Variants in ALPK2 observed in about 807,000 individuals in gnomAD.
ALPK2 encodes the protein alpha-protein kinase 2.
Under a neutral mutation model 163.1 loss-of-function variants are expected in ALPK2, and 127 were observed. The observed-to-expected ratio is 0.78, with a 90% CI of 0.67 to 0.90. ALPK2 has a LOEUF of 0.90. ALPK2 is among the 40% of genes least tolerant of loss of function. The probability of loss-of-function intolerance (pLI) is 0.00; values close to 1 mark genes in which losing one functional copy is unlikely to be tolerated. For synonymous variants in ALPK2, 953 were observed against 959.1 expected, an observed-to-expected ratio of 0.99 and a Z score of 0.12; for missense variants, 2,360 against 2,589.6, an observed-to-expected ratio of 0.91 and a Z score of 1.92.
chr18:58,610,874 C>A (rs1349944937), intron 2 of ALPK2, among the ~76,000 whole-genome samples: 1 of 152,024 alleles, frequency 6.6e-6, no homozygotes, highest in Non-Finnish European at 1.5e-5. Context: ...GCAGGCAGAC[C>A]ACCTGAGGTC....
chr18:58,544,703 T>G (rs1371465241), intron 4 of ALPK2: 1 of 152,236 alleles, frequency 6.6e-6, no homozygotes, highest in Non-Finnish European at 1.5e-5. Flanking sequence ...GAGGTTGTAA[T>G]CTTACGTCAT....
At chr18:58,583,873 C>T (rs1312650585) in intron 3 of ALPK2, among the ~76,000 whole-genome samples, 2 of 152,012 alleles carry the variant, frequency 1.3e-5, no homozygotes, top group African/African-American at 4.8e-5. Context: ...AGAGAAACCA[C>T]CTCCCCTGAA....
Position 58,537,691 on chromosome 18 carries a change from A to T in ALPK2, c.2496T>A (p.Pro832=). The T allele has an allele frequency of 6.2e-7, 1 of 1,614,038 alleles. No homozygotes were observed. Among genetic ancestry groups the T allele is most frequent in the South Asian group, 1.1e-5 (1 of 91,058 alleles). Residue 832 remains proline (P), a synonymous_variant, in exon 5 of 13, where the codon CCT becomes CCA. Transcript: ENST00000361673. ...LVGRPVDKYS[P]QEICSVDTEL... is the part of the protein sequence containing the mutation. ...CCGTATCTACAGAGCAAATTTCTTG[A>T]GGCGAATATTTATCAACTGGTCTCC...
chr18:58,574,627 C>T (rs148086319), intron 4 of ALPK2, among the ~76,000 whole-genome samples: 18 of 151,934 alleles, frequency 1.2e-4, no homozygotes, highest in African/African-American at 2.7e-4. Context: ...ACAGTCCTTA[C>T]GAGAATCTAA....
Position 58,623,393 on chromosome 18 carries a change from C to A in ALPK2, c.-21+5371G>T, listed in dbSNP as rs566112015. Among the ~76,000 whole-genome samples the A allele has an allele frequency of 9.2e-5, 14 of 152,028 alleles. No homozygotes were observed. In the East Asian group the frequency reaches 1.9e-3, roughly 21 times the overall value. Reference sequence around the variant, plus strand: ...ATCTTGTTCTAGTAAATAAAGTGTGCCTTAGAGATAAGGAACATCACATCC... The same window carrying A: ...ATCTTGTTCTAGTAAATAAAGTGTGACTTAGAGATAAGGAACATCACATCC... On this transcript the variant is annotated intron_variant, in intron 1 of 12. Coordinates refer to ENST00000361673, the MANE Select transcript of ALPK2 (RefSeq NM_052947.4).
At chr18:58,497,896 G>A (rs560943974) in intron 12 of ALPK2, among the ~76,000 whole-genome samples, 153 bp downstream of exon 12, 1 of 152,314 alleles carries the variant, frequency 6.6e-6, no homozygotes, top group East Asian at 1.9e-4. Context: ...AATATTTTAT[G>A]TAAGTGAGAG....
chr18:58,579,357 G>T lies in ALPK2; in HGVS notation c.1419C>A (p.His473Gln). Residue 473 changes from histidine (H) to glutamine (Q), a missense_variant, in exon 4 of 13, where the codon CAC becomes CAA. Coordinates refer to ENST00000361673, the MANE Select transcript of ALPK2 (RefSeq NM_052947.4). ...CACTGGCAAATTCCTCTCTTGCTTG[G>T]TGGCTGTCTCTGGTTTCTCCTTGAA... ...PGIQGETRDSHQAREEFASDN... is the reference protein window; with the variant it reads ...PGIQGETRDSQQAREEFASDN... The T allele has an allele frequency of 6.2e-7, 1 of 1,614,026 alleles. No individual in the cohort carries two copies. Among genetic ancestry groups the T allele is most frequent in the South Asian group, 1.1e-5 (1 of 91,070 alleles).
intron 5 of ALPK2, among the ~76,000 whole-genome samples, chr18:58,531,685 G>C (rs999950039): frequency 2.1e-5 from 3 of 146,306 alleles, no homozygotes; most frequent in Non-Finnish European, 4.5e-5. Flanking sequence ...ATGCGGGCAT[G>C]GTGGCTCATT....
Position 58,536,647 on chromosome 18 carries a change from C to T in ALPK2, c.3540G>A (p.Arg1180=), listed in dbSNP as rs2051650097. The T allele has an allele frequency of 6.2e-7, 1 of 1,614,192 alleles. No individual in the cohort carries two copies. The change falls in exon 5 of 13, where the codon AGG becomes AGA. Residue 1180 remains arginine, a synonymous_variant. Coordinates refer to ENST00000361673, the MANE Select transcript of ALPK2 (RefSeq NM_052947.4). ...AACCTGAGCGCTGCCCTGCTCCTTC[C>T]CTAGAGCTTGCGGGTGAGTGGGCCG... ...VPTAHSPASS[R]EGAGQRSGWG...
chr18:58,495,592 G>A (rs1203728281), intron 12 of ALPK2, among the ~76,000 whole-genome samples: 1 of 152,024 alleles, frequency 6.6e-6, no homozygotes, highest in Non-Finnish European at 1.5e-5. Flanking sequence ...GGAAGCTGTT[G>A]ACTTGAATTT....
intron 8 of ALPK2, among the ~76,000 whole-genome samples, chr18:58,522,134 G>A (rs959984269): frequency 1.3e-5 from 2 of 152,124 alleles, no homozygotes; most frequent in African/African-American, 4.8e-5. Context: ...ACTGACCGTG[G>A]ATCCTCCCCT....
chr18:58,502,134 C>CA (rs2051434621), intron 11 of ALPK2, among the ~76,000 whole-genome samples: 1,670 of 118,818 alleles, frequency 0.014, 23 homozygotes, highest in Admixed American at 0.022. Context: ...AACCCCATCT[C>CA]CACACACACA....
chr18:58,593,308 G>C (rs2052023865), intron 3 of ALPK2, among the ~76,000 whole-genome samples: 1 of 152,376 alleles, frequency 6.6e-6, no homozygotes, highest in Admixed American at 6.5e-5. Context: ...GCTCACGCCT[G>C]TAGTCCCAGC....
chr18:58,529,359 G>A, intron 5 of ALPK2, 121 bp from the exon 6 acceptor site: 2 of 1,100,652 alleles, frequency 1.8e-6, no homozygotes, highest in South Asian at 1.8e-5. Context: ...ATGGAAGTGA[G>A]AATTGAGTCT....
chr18:58,566,806 T>G (rs2051855936), intron 4 of ALPK2: 1 of 152,226 alleles, frequency 6.6e-6, no homozygotes, highest in Admixed American at 6.5e-5. Flanking sequence ...TCACGAGTTT[T>G]TGTTTTTCCT....
chr18:58,526,669 TGC>T (rs2051586596), intron 6 of ALPK2, among the ~76,000 whole-genome samples: 1 of 152,212 alleles, frequency 6.6e-6, no homozygotes, highest in Non-Finnish European at 1.5e-5. Flanking sequence ...AGCCAAGACA[TGC>T]CACTGCTACA....
chr18:58,491,434 G>A (rs1226481405), intron 12 of ALPK2, among the ~76,000 whole-genome samples: 1 of 152,174 alleles, frequency 6.6e-6, no homozygotes, highest in Non-Finnish European at 1.5e-5. Context: ...TTCTCCTAGG[G>A]ATGACATCAC....
chr18:58,504,146 A>G lies in ALPK2; in HGVS notation c.6032T>C (p.Ile2011Thr), dbSNP rs1456076012. The change falls in exon 11 of 13, where the codon ATC (isoleucine) becomes ACC (threonine). Residue 2011 changes from isoleucine (I) to threonine (T), a missense_variant and splice_region_variant. Transcript: ENST00000361673. Reference sequence around the variant, plus strand: ...CCGATGGATAAGAAAAATAGGAATGATCCTGGCAGGGAAGAGAACACAGGC... The same window carrying G: ...CCGATGGATAAGAAAAATAGGAATGGTCCTGGCAGGGAAGAGAACACAGGC... ...PLEGFGEVPEIIPIFLIHRPE... is the reference protein window; with the variant it reads ...PLEGFGEVPETIPIFLIHRPE... 6.2e-7 allele frequency: 1 copy of G among 1,613,684 alleles called. No homozygotes were observed.
chr18:58,560,716 T>C (rs2051821706), intron 4 of ALPK2, among the ~76,000 whole-genome samples: 1 of 152,252 alleles, frequency 6.6e-6, no homozygotes, highest in Non-Finnish European at 1.5e-5. Flanking sequence ...TTATTCTGCA[T>C]ACCATACTGT....
Sources: allele counts gnomAD v4.1 joint callset (sites outside exome capture counted in the v4.1 genomes callset), GRCh38; gene constraint gnomAD v4.1.1; transcripts MANE v1.5; gene names NCBI Gene and HGNC (gene_info 2026-07-23, HGNC 2026-07-21).